The following WWOX variants were observed in gnomAD, a reference collection of about 807,000 sequenced individuals.
WWOX encodes WW domain-containing oxidoreductase.
Under a neutral mutation model 46.2 loss-of-function variants are expected in WWOX, and 69 were observed. That is an observed-to-expected ratio of 1.49 (90% CI 1.23 to 1.82). The LOEUF (loss-of-function observed/expected upper bound fraction) is 1.82. Among genes scored for constraint, WWOX ranks in the 40% most tolerant of loss-of-function variants. The pLI, the probability that WWOX is intolerant of heterozygous loss-of-function variation, is 0.00. For missense variants in WWOX, 919 were observed against 542.6 expected (o/e 1.69, Z -6.89); for synonymous variants, 359 against 202.6 (o/e 1.77, Z -6.56).
chr16:78,340,952 G>A (rs1393648094), intron 5 of WWOX, among the ~76,000 whole-genome samples: 1 of 118,910 alleles, frequency 8.4e-6, no homozygotes, highest in Non-Finnish European at 2.0e-5. Context: ...GCTGAGTGGG[G>A]AGGGATTCTC....
At chr16:78,462,867 C>T (rs2083984922) in intron 8 of WWOX, among the ~76,000 whole-genome samples, 1 of 152,198 alleles carries the variant, frequency 6.6e-6, no homozygotes, top group Non-Finnish European at 1.5e-5. Flanking sequence ...TGTTGCTTTC[C>T]TGGGTCTTGC....
chr16:79,177,153 G>A (rs1293835816), intron 8 of WWOX, among the ~76,000 whole-genome samples: 5 of 152,132 alleles, frequency 3.3e-5, no homozygotes, highest in African/African-American at 4.8e-5. Context: ...CGCTGCCTCC[G>A]GTTCCCCTTT....
chr16:78,509,857 G>A (rs563433932), intron 8 of WWOX, among the ~76,000 whole-genome samples: 1 of 151,674 alleles, frequency 6.6e-6, no homozygotes, highest in Non-Finnish European at 1.5e-5. Flanking sequence ...GGAGGCCGAG[G>A]CAGGAGGATC....
At position 78,347,463 on chromosome 16, in the gene WWOX, AC is replaced by A. The variant is rs1248775578; in HGVS notation, c.517-39392del. 6.9e-5 allele frequency among the ~76,000 whole-genome samples: 8 copies of A among 116,252 alleles called. 3 individuals are homozygous for A. Among genetic ancestry groups the A allele is most frequent in the African/African-American group, 8.8e-5 (3 of 33,956 alleles). 76.3% of individuals were successfully genotyped at this position (116,252 alleles called of 152,430 possible). A position where few individuals can be genotyped will look rare whatever the true frequency, so the allele number is the denominator to read the frequency against. On this transcript the variant is annotated intron_variant, in intron 5 of 8. Transcript: ENST00000566780. ...TGACAGCTCATAAAGTCACGCTGTT[AC>A]CCCCACAATGTCCCCCCACATATCA...
chr16:78,739,917 T>C (rs2049175609), intron 8 of WWOX, among the ~76,000 whole-genome samples: 1 of 152,186 alleles, frequency 6.6e-6, no homozygotes, highest in African/African-American at 2.4e-5. Flanking sequence ...TGTGCATTTA[T>C]TATTGCTAGG....
intron 5 of WWOX, among the ~76,000 whole-genome samples, chr16:78,210,494 C>G (rs999333280): frequency 6.6e-6 from 1 of 152,086 alleles, no homozygotes. Context: ...CGCGCGTGCA[C>G]ACACACAGAC....
At chr16:78,609,151 A>G (rs2045836840) in intron 8 of WWOX, among the ~76,000 whole-genome samples, 1 of 152,208 alleles carries the variant, frequency 6.6e-6, no homozygotes, top group Non-Finnish European at 1.5e-5. Context: ...TTATATTTGA[A>G]ATCTTTCTAT....
chr16:78,271,227 T>C (rs2079472049), intron 5 of WWOX, among the ~76,000 whole-genome samples: 1 of 152,180 alleles, frequency 6.6e-6, no homozygotes, highest in Non-Finnish European at 1.5e-5. Flanking sequence ...CACAGATGGT[T>C]TTTTTCGTCC....
chr16:78,300,614 C>T (rs1207707399), intron 5 of WWOX, among the ~76,000 whole-genome samples: 1 of 152,056 alleles, frequency 6.6e-6, no homozygotes, highest in Non-Finnish European at 1.5e-5. Context: ...CATGCAATGG[C>T]ATTACTAATG....
At chr16:78,734,263 G>C (rs2049032545) in intron 8 of WWOX, among the ~76,000 whole-genome samples, 1 of 152,072 alleles carries the variant, frequency 6.6e-6, no homozygotes, top group Non-Finnish European at 1.5e-5. Context: ...TGCAAGGATT[G>C]CAAGATACCT....
chr16:78,358,065 C>T (rs1353428910), intron 5 of WWOX, among the ~76,000 whole-genome samples: 2 of 152,202 alleles, frequency 1.3e-5, no homozygotes, highest in Non-Finnish European at 2.9e-5. Context: ...TTTCATCTTT[C>T]TGCATACACT....
chr16:78,141,888 T>G (rs1001983874), intron 4 of WWOX, among the ~76,000 whole-genome samples: 1 of 152,134 alleles, frequency 6.6e-6, no homozygotes, highest in Non-Finnish European at 1.5e-5. Flanking sequence ...ACTGACAGCC[T>G]GTCATAGTTG....
At chr16:78,899,028 C>G (rs569882144) in intron 8 of WWOX, 92 of 152,190 alleles carry the variant, frequency 6.0e-4, no homozygotes, top group African/African-American at 2.2e-3. Flanking sequence ...GTAGAATTCT[C>G]TACATCTCTG....
intron 5 of WWOX, among the ~76,000 whole-genome samples, chr16:78,337,706 T>C (rs1435915021): frequency 1.3e-5 from 2 of 151,150 alleles, no homozygotes; most frequent in South Asian, 4.2e-4. Context: ...TCTGAGAATT[T>C]AGGCGCTTTA....
At chr16:78,390,802 C>T (rs747828690) in intron 6 of WWOX, among the ~76,000 whole-genome samples, 3 of 152,140 alleles carry the variant, frequency 2.0e-5, no homozygotes, top group Non-Finnish European at 2.9e-5. Flanking sequence ...AACATAATGA[C>T]AAATGAAAGA....
intron 5 of WWOX, among the ~76,000 whole-genome samples, chr16:78,359,414 A>C (rs943489859): frequency 6.6e-6 from 1 of 152,200 alleles, no homozygotes; most frequent in African/African-American, 2.4e-5. Flanking sequence ...TAACACACTA[A>C]TCATGAGAGC....
chr16:78,210,929 A>C (rs1455503021), intron 5 of WWOX, among the ~76,000 whole-genome samples: 3 of 152,222 alleles, frequency 2.0e-5, no homozygotes, highest in Non-Finnish European at 4.4e-5. Context: ...TTCTGTTAAG[A>C]GCTAAGTGAT....
chr16:78,652,149 C>T (rs917311314), intron 8 of WWOX, among the ~76,000 whole-genome samples: 2 of 151,194 alleles, frequency 1.3e-5, no homozygotes, highest in Non-Finnish European at 3.0e-5. Flanking sequence ...TGGTGGCTCA[C>T]ACCTGTAATC....
At chr16:79,078,639 T>G (rs1338711235) in intron 8 of WWOX, among the ~76,000 whole-genome samples, 1 of 152,206 alleles carries the variant, frequency 6.6e-6, no homozygotes, top group Non-Finnish European at 1.5e-5. Flanking sequence ...AGTAAAAACT[T>G]CATAAGCACT....
Sources: allele counts gnomAD v4.1 joint callset (sites outside exome capture counted in the v4.1 genomes callset), GRCh38; gene constraint gnomAD v4.1.1; transcripts MANE v1.5; gene names NCBI Gene and HGNC (gene_info 2026-07-23, HGNC 2026-07-21).